The following UTRN variants were observed in gnomAD, a reference collection of about 807,000 sequenced individuals.
UTRN encodes the protein dystrophin-related protein 1.
In UTRN, 283 loss-of-function variants were observed where a neutral mutation model predicts 463.9. The observed-to-expected ratio is 0.61, with a 90% CI of 0.55 to 0.67. The LOEUF is 0.67. Among genes scored for constraint, UTRN ranks in the 30% least tolerant of loss-of-function variants. UTRN has a pLI of 0.00. For missense variants in UTRN, 3,922 were observed against 4,084.3 expected (o/e 0.96, Z 1.08); for synonymous variants, 1,442 against 1,431.5 (o/e 1.01, Z -0.17).
At position 144,539,342 on chromosome 6, in the gene UTRN, A is replaced by T; in HGVS notation, c.6418A>T (p.Asn2140Tyr). ...ACATGCTGAAAAACTCAAATGGCTG[A>T]ATAGAACTGAATTGGAGATGCTTTC... ...EVHAEKLKWL[N>Y]RTELEMLSDK... The change falls in exon 45 of 75, where the codon AAT (asparagine) becomes TAT (tyrosine). Residue 2140 changes from asparagine (N) to tyrosine (Y), a missense_variant. Transcript: ENST00000367545. 4 of 1,613,184 alleles carry T rather than the reference A, an allele frequency of 2.5e-6. No homozygotes were observed. The highest frequency in any genetic ancestry group is 1.7e-5 in the Admixed American group (1 of 59,912).
At chr6:144,433,336 C>G (rs1479995482) in intron 9 of UTRN, among the ~76,000 whole-genome samples, 2 of 150,504 alleles carry the variant, frequency 1.3e-5, no homozygotes, top group African/African-American at 4.9e-5. Flanking sequence ...ACCTCCCTCC[C>G]GGACGGGGCG....
intron 53 of UTRN, among the ~76,000 whole-genome samples, chr6:144,703,182 A>G (rs1784759542): frequency 6.6e-6 from 1 of 152,230 alleles, no homozygotes; most frequent in African/African-American, 2.4e-5. Flanking sequence ...GAAGAGCCAA[A>G]GATGTCAGAA....
intron 3 of UTRN, among the ~76,000 whole-genome samples, chr6:144,411,566 C>T (rs1330587890): frequency 2.0e-5 from 3 of 152,088 alleles, no homozygotes; most frequent in African/African-American, 4.8e-5. Flanking sequence ...TTACCAAAAT[C>T]GAGGTAAACA....
intron 2 of UTRN, among the ~76,000 whole-genome samples, chr6:144,399,776 A>G (rs1252537449): frequency 2.6e-5 from 4 of 152,228 alleles, no homozygotes; most frequent in Admixed American, 2.6e-4. Flanking sequence ...CGTTCTGCTA[A>G]AACAATTTTC....
intron 2 of UTRN, among the ~76,000 whole-genome samples, chr6:144,316,089 G>A (rs1036389832): frequency 2.0e-5 from 3 of 152,084 alleles, no homozygotes; most frequent in African/African-American, 7.2e-5. Context: ...AGTGGCTCAC[G>A]TCTGTAACCC....
chr6:144,557,156 G>C lies in UTRN; in HGVS notation c.7135-1G>C. 6.2e-7 allele frequency: 1 copy of C among 1,613,426 alleles called. No individual in the cohort carries two copies. The highest frequency in any genetic ancestry group is 1.7e-4 in the Middle Eastern group (1 of 6,052). On this transcript the variant is annotated splice_acceptor_variant, in intron 49 of 74. Transcript: ENST00000367545. LOFTEE classifies it high-confidence loss of function. Reference sequence around the variant, plus strand: ...CAAACAGACCTGCACTTGCACCTCAGATACTGCTTCAAGAACTGGGTCCTG... The same window carrying C: ...CAAACAGACCTGCACTTGCACCTCACATACTGCTTCAAGAACTGGGTCCTG...
intron 53 of UTRN, among the ~76,000 whole-genome samples, chr6:144,723,333 T>C (rs1787422333): frequency 6.6e-6 from 1 of 152,168 alleles, no homozygotes; most frequent in African/African-American, 2.4e-5. Context: ...GATGAACAGA[T>C]TGGGTGACTT....
chr6:144,488,629 T>A, intron 29 of UTRN, 44 bp from the exon 30 acceptor site: 1 of 1,594,734 alleles, frequency 6.3e-7, no homozygotes, highest in South Asian at 1.1e-5. Flanking sequence ...CTGCTATTTA[T>A]ATTTGTGTTG....
At chr6:144,324,112 C>G (rs1280269176) in intron 2 of UTRN, among the ~76,000 whole-genome samples, 1 of 152,128 alleles carries the variant, frequency 6.6e-6, no homozygotes, top group African/African-American at 2.4e-5. Context: ...AACCTTTACA[C>G]TGGGTGTATT....
chr6:144,560,678 A>G (rs1203879854), intron 50 of UTRN, among the ~76,000 whole-genome samples: 2 of 152,156 alleles, frequency 1.3e-5, no homozygotes, highest in African/African-American at 4.8e-5. Context: ...TAATTTAGCT[A>G]TTCACAATTA....
At chr6:144,678,955 T>G (rs1176596949) in intron 52 of UTRN, among the ~76,000 whole-genome samples, 3 of 152,146 alleles carry the variant, frequency 2.0e-5, no homozygotes, top group African/African-American at 7.2e-5. Context: ...GTAACATTAT[T>G]TCTTCTATGA....
intron 54 of UTRN, among the ~76,000 whole-genome samples, chr6:144,732,663 GTTATGTTA>G (rs1788847042): frequency 1.0e-5 from 1 of 96,492 alleles, no homozygotes; most frequent in Admixed American, 9.8e-5. Flanking sequence ...GTCATGTTAT[GTTATGTTA>G]TGTTATGTTA....
Position 144,548,844 on chromosome 6 carries a change from C to T in UTRN, c.6800C>T (p.Ser2267Phe). ...GTAGAAGAGATCAATAAGACCGTTT[C>T]CCGAATGAAAGTAGGTGCATAGTGT... ...GDVEEINKTVSRMKITKADLE... is the reference protein window; with the variant it reads ...GDVEEINKTVFRMKITKADLE... Residue 2267 changes from serine (S) to phenylalanine (F), a missense_variant, in exon 47 of 75, where the codon TCC (serine) becomes TTC (phenylalanine). By Grantham distance (155) the Ser-to-Phe change is radical. Coordinates refer to ENST00000367545, the MANE Select transcript of UTRN (RefSeq NM_007124.3). 1 of 1,613,780 alleles carries T rather than the reference C, an allele frequency of 6.2e-7. No homozygotes were observed. Among genetic ancestry groups the T allele is most frequent in the Middle Eastern group, 1.7e-4 (1 of 6,060 alleles).
At chr6:144,759,187 G>A (rs1290991180) in intron 58 of UTRN, among the ~76,000 whole-genome samples, 1 of 152,052 alleles carries the variant, frequency 6.6e-6, no homozygotes, top group Non-Finnish European at 1.5e-5. Context: ...ACAATGCACT[G>A]AGTTGTGAAC....
At chr6:144,600,678 A>G (rs1217300854) in intron 51 of UTRN, among the ~76,000 whole-genome samples, 1 of 152,240 alleles carries the variant, frequency 6.6e-6, no homozygotes, top group Non-Finnish European at 1.5e-5. Flanking sequence ...ATAAGCAGCA[A>G]ATGCTGATGT....
chr6:144,438,824 A>G lies in UTRN; in HGVS notation c.1321A>G (p.Ile441Val), dbSNP rs764955500. ...CTGGTTAACACTCACAGAGGAGCGC[A>G]TTCAGAAGATGGAAACTTGCCCCCT... ...SAWLTLTEER[I>V]QKMETCPLDD... Residue 441 changes from isoleucine to valine, a missense_variant, in exon 12 of 75, where the codon ATT (isoleucine) becomes GTT (valine). Around this residue, in one of 3 missense-constraint regions of UTRN, gnomAD observed 2,349 missense variants for 2,303.8 expected, o/e 1.02. Coordinates refer to ENST00000367545, the MANE Select transcript of UTRN (RefSeq NM_007124.3). 22 of 1,614,136 alleles carry G rather than the reference A, an allele frequency of 1.4e-5. No individual in the cohort carries two copies. In the African/African-American group the frequency reaches 1.5e-4, roughly 11 times the overall value.
At chr6:144,478,685 C>T (rs751823440) in intron 25 of UTRN, among the ~76,000 whole-genome samples, 1 of 152,202 alleles carries the variant, frequency 6.6e-6, no homozygotes, top group Non-Finnish European at 1.5e-5. Flanking sequence ...CTGTGCTGGC[C>T]TTTGGTTACT....
chr6:144,489,746 C>T (rs766218517), intron 30 of UTRN, among the ~76,000 whole-genome samples: 2 of 151,980 alleles, frequency 1.3e-5, no homozygotes, highest in African/African-American at 4.8e-5. Flanking sequence ...CTCAGCCTCC[C>T]GAGTAGCTGG....
intron 28 of UTRN, among the ~76,000 whole-genome samples, 191 bp downstream of exon 28, chr6:144,485,710 T>C (rs1163938923): frequency 2.6e-5 from 4 of 152,244 alleles, no homozygotes; most frequent in African/African-American, 9.6e-5. Flanking sequence ...TGGTGACCCA[T>C]TATATCAGCC....
Sources: gnomAD v4.1 joint callset for allele counts (sites outside exome capture counted in the v4.1 genomes callset) on GRCh38, gnomAD v4.1.1 for gene constraint, gnomAD v4.1.1 regional missense constraint, MANE v1.5 for transcripts, NCBI Gene and HGNC (gene_info 2026-07-23, HGNC 2026-07-21) for gene names.